The following NR3C2 variants were observed in gnomAD, a reference collection of about 807,000 sequenced individuals.
NR3C2 encodes the protein nuclear receptor subfamily 3 group C member 2.
In NR3C2, 15 loss-of-function variants were observed where a neutral mutation model predicts 86.4. That is an observed-to-expected ratio of 0.17 (90% CI 0.12 to 0.27). NR3C2 has a LOEUF of 0.27. Among genes scored for constraint, NR3C2 ranks in the 10% least tolerant of loss-of-function variants. NR3C2 has a pLI of 1.00. For missense variants in NR3C2, 960 were observed against 1,195.6 expected (o/e 0.80, Z 2.91); for synonymous variants, 458 against 450.5 (o/e 1.02, Z -0.21).
At position 148,104,342 on chromosome 4, in the gene NR3C2, G is replaced by GTTT. The variant is rs57175085; in HGVS notation, c.2799+9759_2799+9761dup. Among the ~76,000 whole-genome samples, 15 of 63,786 alleles carry GTTT rather than the reference G, an allele frequency of 2.4e-4. 1 individual carries two copies. The highest frequency in any genetic ancestry group is 6.4e-4 in the East Asian group (1 of 1,568). The allele number at this position is 63,786 out of a possible 152,430, so 41.8% of individuals were successfully genotyped here. A position where few individuals can be genotyped will look rare whatever the true frequency, so the allele number is the denominator to read the frequency against. Reference sequence around the variant, plus strand: ...GTTTGTTTTTTTGTGTTTTGGTTTGGTTTTTTTTTTTTTTTTTTTTGCATA... The same window carrying GTTT: ...GTTTGTTTTTTTGTGTTTTGGTTTGGTTTTTTTTTTTTTTTTTTTTTTTGCATA... On this transcript the variant is annotated intron_variant, in intron 8 of 8. Transcript: ENST00000358102.
intron 2 of NR3C2, among the ~76,000 whole-genome samples, chr4:148,275,095 A>G (rs1449700214): frequency 6.6e-6 from 1 of 152,200 alleles, no homozygotes; most frequent in African/African-American, 2.4e-5. Context: ...TTATCTTCTA[A>G]GCAGAGAAAA....
intron 4 of NR3C2, among the ~76,000 whole-genome samples, chr4:148,165,585 A>T (rs1734843738): frequency 1.3e-5 from 2 of 152,160 alleles, no homozygotes; most frequent in Non-Finnish European, 2.9e-5. Flanking sequence ...CTTAATTATA[A>T]TCAAATCATA....
At chr4:148,146,793 G>A (rs1286664926) in intron 6 of NR3C2, 1 of 152,150 alleles carries the variant, frequency 6.6e-6, no homozygotes, top group African/African-American at 2.4e-5. Flanking sequence ...CAGATGCTGA[G>A]GACAGTAAAA....
chr4:148,106,841 C>G (rs576607724), intron 8 of NR3C2, among the ~76,000 whole-genome samples: 59 of 152,248 alleles, frequency 3.9e-4, no homozygotes, highest in Middle Eastern at 3.4e-3. Context: ...CTTCCTTACA[C>G]CTTATACAAA....
At chr4:148,194,257 G>A (rs539615288) in intron 4 of NR3C2, among the ~76,000 whole-genome samples, 33 of 152,106 alleles carry the variant, frequency 2.2e-4, no homozygotes, top group African/African-American at 6.7e-4. Flanking sequence ...GTATACTTTC[G>A]CATTTGGTTC....
rs150365339 is a variant in NR3C2 at position 148,177,229 on chromosome 4, C to T, written c.2014+17517G>A. On this transcript the variant is annotated intron_variant, in intron 4 of 8. Transcript: ENST00000358102. Reference sequence around the variant, plus strand: ...CCTTTATTAATCATGGTAATGAGTACGCATTTTATAATTTGACAAATCAAT... The same window carrying T: ...CCTTTATTAATCATGGTAATGAGTATGCATTTTATAATTTGACAAATCAAT... Among the ~76,000 whole-genome samples, 430 of 152,260 alleles carry T rather than the reference C, an allele frequency of 2.8e-3. 3 individuals are homozygous for T. The highest frequency in any genetic ancestry group is 9.9e-3 in the African/African-American group (413 of 41,540).
chr4:148,267,702 A>G (rs1040974607), intron 2 of NR3C2, among the ~76,000 whole-genome samples: 1 of 152,148 alleles, frequency 6.6e-6, no homozygotes, highest in African/African-American at 2.4e-5. Context: ...TTATATCATT[A>G]AGATAAATAA....
At chr4:148,242,839 C>G (rs763890559) in intron 3 of NR3C2, among the ~76,000 whole-genome samples, 1 of 152,084 alleles carries the variant, frequency 6.6e-6, no homozygotes, top group Non-Finnish European at 1.5e-5. Context: ...GAACTGCTAT[C>G]ACATTAAGCT....
chr4:148,314,689 T>C (rs944010398), intron 2 of NR3C2, among the ~76,000 whole-genome samples: 5 of 152,198 alleles, frequency 3.3e-5, no homozygotes, highest in Non-Finnish European at 7.3e-5. Context: ...ACATTGGTTC[T>C]GAAGTGAAAT....
At chr4:148,360,219 A>G (rs1263931036) in intron 2 of NR3C2, among the ~76,000 whole-genome samples, 1 of 152,236 alleles carries the variant, frequency 6.6e-6, no homozygotes, top group Non-Finnish European at 1.5e-5. Flanking sequence ...AGCATCAAGC[A>G]CTGTAGAGAA....
At chr4:148,257,257 A>G (rs1739877986) in intron 3 of NR3C2, among the ~76,000 whole-genome samples, 1 of 152,220 alleles carries the variant, frequency 6.6e-6, no homozygotes, top group Admixed American at 6.5e-5. Flanking sequence ...ACATCCATAC[A>G]TATATATGTA....
chr4:148,352,131 G>A (rs1054289809), intron 2 of NR3C2, among the ~76,000 whole-genome samples: 5 of 152,292 alleles, frequency 3.3e-5, no homozygotes, highest in Admixed American at 1.3e-4. Context: ...CAATGAGGAT[G>A]TATTTTGCGA....
chr4:148,118,671 C>A (rs187843343), intron 7 of NR3C2, among the ~76,000 whole-genome samples: 6 of 152,302 alleles, frequency 3.9e-5, no homozygotes, highest in African/African-American at 1.4e-4. Context: ...ATTAACCTAT[C>A]CAAAACAGCA....
intron 2 of NR3C2, among the ~76,000 whole-genome samples, chr4:148,323,477 C>G (rs987222885): frequency 9.7e-5 from 14 of 145,070 alleles, no homozygotes; most frequent in African/African-American, 3.7e-4. Context: ...CCTCCCCCAG[C>G]CTGGCTGCAG....
At chr4:148,094,613 G>A (rs958820948) in intron 8 of NR3C2, among the ~76,000 whole-genome samples, 4 of 152,022 alleles carry the variant, frequency 2.6e-5, no homozygotes, top group African/African-American at 9.7e-5. Context: ...TACTCGGGAA[G>A]CTGAGGTAGG....
At chr4:148,298,443 T>C (rs536655188) in intron 2 of NR3C2, among the ~76,000 whole-genome samples, 124 of 152,316 alleles carry the variant, frequency 8.1e-4, no homozygotes, top group Middle Eastern at 3.4e-3. Flanking sequence ...TCACTATTTT[T>C]AGAATTGATA....
At chr4:148,332,605 T>A (rs964088762) in intron 2 of NR3C2, among the ~76,000 whole-genome samples, 1 of 152,210 alleles carries the variant, frequency 6.6e-6, no homozygotes, top group African/African-American at 2.4e-5. Flanking sequence ...GTCCTTGGTA[T>A]GCTAACATCT....
chr4:148,186,740 A>G (rs1735913326), intron 4 of NR3C2, among the ~76,000 whole-genome samples: 1 of 151,608 alleles, frequency 6.6e-6, no homozygotes, highest in Non-Finnish European at 1.5e-5. Context: ...CCATATTTGT[A>G]GTAGTCTTTT....
intron 2 of NR3C2, among the ~76,000 whole-genome samples, chr4:148,289,242 ATGTCTGAACTT>A (rs1372198569): frequency 2.1e-5 from 3 of 145,218 alleles, no homozygotes; most frequent in African/African-American, 7.5e-5. Flanking sequence ...AAAAGTCACA[ATGTCTGAACTT>A]TACTTTTAAT....
Sources: gnomAD v4.1 joint callset for allele counts (sites outside exome capture counted in the v4.1 genomes callset) on GRCh38, gnomAD v4.1.1 for gene constraint, MANE v1.5 for transcripts, NCBI Gene and HGNC (gene_info 2026-07-23, HGNC 2026-07-21) for gene names.